Variants in OLFM3 observed in about 807,000 individuals in gnomAD.
The protein encoded by OLFM3 is noelin-3.
In OLFM3, 20 loss-of-function variants were observed where a neutral mutation model predicts 48.6. The observed-to-expected ratio is 0.41, with a 90% CI of 0.29 to 0.60. The LOEUF (loss-of-function observed/expected upper bound fraction) is 0.60, where lower values mean the gene tolerates loss of function less well. Ranked by LOEUF, OLFM3 falls within the 20% of genes least tolerant of loss-of-function variation. The pLI, the probability that OLFM3 is intolerant of heterozygous loss-of-function variation, is 0.28. For missense variants in OLFM3, 437 were observed against 544.3 expected, an observed-to-expected ratio of 0.80 and a Z score of 1.96; for synonymous variants, 222 against 198.1, an observed-to-expected ratio of 1.12 and a Z score of -1.01.
intron 1 of OLFM3, among the ~76,000 whole-genome samples, chr1:101,861,309 GC>G (rs1487587525): frequency 1.3e-5 from 2 of 151,248 alleles, no homozygotes; most frequent in African/African-American, 4.9e-5. Flanking sequence ...TGATTTGGCC[GC>G]CCCGGCCTCC....
intron 1 of OLFM3, among the ~76,000 whole-genome samples, chr1:101,982,449 T>C (rs1661129442): frequency 6.6e-6 from 1 of 152,252 alleles, no homozygotes; most frequent in Admixed American, 6.5e-5. Context: ...CTTAGATTTT[T>C]TTAAAATGTA....
At chr1:101,880,524 T>C (rs1159008164) in intron 1 of OLFM3, among the ~76,000 whole-genome samples, 2 of 151,812 alleles carry the variant, frequency 1.3e-5, no homozygotes, top group African/African-American at 4.8e-5. Flanking sequence ...GTATGTAGTT[T>C]TCAGTCTTTC....
rs369982659 is a variant in OLFM3 at position 101,942,703 on chromosome 1, A to C, written c.69+54045T>G. Among the ~76,000 whole-genome samples the C allele has an allele frequency of 2.6e-5, 4 of 152,324 alleles. No individual in the cohort carries two copies. In the East Asian group the frequency reaches 7.7e-4, roughly 29 times the overall value. On this transcript the variant is annotated intron_variant, in intron 1 of 5. Transcript: ENST00000370103. ...TGATCTTTGATGCATGTGGTATACAATATGAGGGCTGTTCACTTATTTTTC... is the reference window on the plus strand; with the variant it reads ...TGATCTTTGATGCATGTGGTATACACTATGAGGGCTGTTCACTTATTTTTC...
chr1:101,837,091 G>T (rs902475827), intron 1 of OLFM3, 66 bp from the exon 2 acceptor site: 1 of 1,473,252 alleles, frequency 6.8e-7, no homozygotes, highest in Non-Finnish European at 9.2e-7. Flanking sequence ...GTGTTGGTTT[G>T]TAGCATTTCA....
chr1:101,978,622 G>T (rs1162184245), intron 1 of OLFM3, among the ~76,000 whole-genome samples: 1 of 152,024 alleles, frequency 6.6e-6, no homozygotes, highest in Non-Finnish European at 1.5e-5. Context: ...AATTAGTTTT[G>T]ATCATTGAGG....
intron 1 of OLFM3, among the ~76,000 whole-genome samples, chr1:101,886,658 G>A (rs1181649759): frequency 6.6e-6 from 1 of 152,036 alleles, no homozygotes; most frequent in African/African-American, 2.4e-5. Flanking sequence ...TCTGACTGCG[G>A]TTGCATGAAA....
At chr1:101,930,641 T>C (rs543223202) in intron 1 of OLFM3, among the ~76,000 whole-genome samples, 40 of 152,292 alleles carry the variant, frequency 2.6e-4, no homozygotes, top group Middle Eastern at 3.4e-3. Context: ...GTATGGTAGG[T>C]GCTATGATAA....
At chr1:101,991,016 A>AAAAAATATATATAT (rs1553186119) in intron 1 of OLFM3, among the ~76,000 whole-genome samples, 6 of 32,214 alleles carry the variant, frequency 1.9e-4, no homozygotes, top group South Asian at 1.5e-3. Flanking sequence ...AAAAAAAAAA[A>AAAAAATATATATAT]ATATATATAT....
At chr1:101,845,508 GT>G (rs1209973080) in intron 1 of OLFM3, among the ~76,000 whole-genome samples, 1 of 152,002 alleles carries the variant, frequency 6.6e-6, no homozygotes, top group Non-Finnish European at 1.5e-5. Flanking sequence ...TCCTGCAAGA[GT>G]TAATTCAACA....
At chr1:101,980,626 C>T (rs1194560847) in intron 1 of OLFM3, among the ~76,000 whole-genome samples, 1 of 152,152 alleles carries the variant, frequency 6.6e-6, no homozygotes, top group East Asian at 1.9e-4. Context: ...AACCTATTTC[C>T]TTTATAAATT....
At chr1:101,810,674 CTG>C (rs1227557045) in intron 4 of OLFM3, among the ~76,000 whole-genome samples, 1 of 151,906 alleles carries the variant, frequency 6.6e-6, no homozygotes, top group African/African-American at 2.4e-5. Context: ...GAAGTGGAAA[CTG>C]TGAATATTCT....
At chr1:101,990,600 T>C (rs1279868228) in intron 1 of OLFM3, among the ~76,000 whole-genome samples, 2 of 152,206 alleles carry the variant, frequency 1.3e-5, no homozygotes, top group Non-Finnish European at 2.9e-5. Flanking sequence ...TCTTATTTCA[T>C]GTCCAGCTTC....
At chr1:101,959,870 C>A (rs558330330) in intron 1 of OLFM3, among the ~76,000 whole-genome samples, 2 of 152,196 alleles carry the variant, frequency 1.3e-5, no homozygotes, top group Admixed American at 1.3e-4. Flanking sequence ...TAATTTCCCA[C>A]GAGAAATATG....
chr1:101,875,850 C>T (rs2100982884), intron 1 of OLFM3, among the ~76,000 whole-genome samples: 1 of 152,086 alleles, frequency 6.6e-6, no homozygotes, highest in Middle Eastern at 3.4e-3. Flanking sequence ...GGAAAGACTT[C>T]AACACTGTCA....
At chr1:101,966,414 C>T (rs1197209002) in intron 1 of OLFM3, among the ~76,000 whole-genome samples, 2 of 151,666 alleles carry the variant, frequency 1.3e-5, no homozygotes, top group African/African-American at 2.4e-5. Context: ...CTCAAGAGAG[C>T]CACTTGCCTT....
At chr1:101,848,621 A>G (rs1656106618) in intron 1 of OLFM3, among the ~76,000 whole-genome samples, 1 of 152,152 alleles carries the variant, frequency 6.6e-6, no homozygotes, top group Admixed American at 6.5e-5. Context: ...ATCATGCCAT[A>G]TGAAAAACCA....
chr1:101,874,951 T>C (rs1220559928), intron 1 of OLFM3, among the ~76,000 whole-genome samples: 3 of 151,986 alleles, frequency 2.0e-5, no homozygotes, highest in Non-Finnish European at 4.4e-5. Flanking sequence ...AAATCCCAGC[T>C]TCTCTTATTT....
At chr1:101,950,373 C>T (rs1660100699) in intron 1 of OLFM3, among the ~76,000 whole-genome samples, 1 of 152,138 alleles carries the variant, frequency 6.6e-6, no homozygotes, top group Admixed American at 6.5e-5. Context: ...TACCCTTTAT[C>T]CCTTGATGTA....
intron 1 of OLFM3, chr1:101,910,166 T>C (rs1658700506): frequency 5.1e-6 from 5 of 984,514 alleles, no homozygotes; most frequent in Non-Finnish European, 6.0e-6. Context: ...GTATCTATCA[T>C]GTTAAAAAGC....
Sources: allele counts gnomAD v4.1 joint callset (sites outside exome capture counted in the v4.1 genomes callset), GRCh38; gene constraint gnomAD v4.1.1; transcripts MANE v1.5; gene names NCBI Gene and HGNC (gene_info 2026-07-23, HGNC 2026-07-21).